The following NAALADL2 variants were observed in gnomAD, a reference collection of about 807,000 sequenced individuals.
NAALADL2 encodes N-acetylated alpha-linked acidic dipeptidase like 2.
Under a neutral mutation model 87.2 loss-of-function variants are expected in NAALADL2, and 76 were observed. The observed-to-expected ratio is 0.87, with a 90% CI of 0.72 to 1.05. The LOEUF (loss-of-function observed/expected upper bound fraction) is 1.05, where lower values mean the gene tolerates loss of function less well. NAALADL2 is among the 50% of genes least tolerant of loss of function. The pLI, the probability that NAALADL2 is intolerant of heterozygous loss-of-function variation, is 0.00. For missense variants in NAALADL2, 1,089 were observed against 945.8 expected, an observed-to-expected ratio of 1.15 and a Z score of -1.99; for synonymous variants, 354 against 331.0, an observed-to-expected ratio of 1.07 and a Z score of -0.75.
chr3:175,529,372 C>T (rs1733812194), intron 9 of NAALADL2, among the ~76,000 whole-genome samples: 1 of 152,266 alleles, frequency 6.6e-6, no homozygotes, highest in South Asian at 2.1e-4. Flanking sequence ...GATCTCTAGC[C>T]CAGCAGAACA....
intron 9 of NAALADL2, among the ~76,000 whole-genome samples, chr3:175,503,503 C>T (rs979379363): frequency 2.6e-5 from 4 of 152,104 alleles, no homozygotes; most frequent in African/African-American, 7.2e-5. Context: ...GAGAAATTGC[C>T]AAACCACTTT....
intron 9 of NAALADL2, among the ~76,000 whole-genome samples, chr3:175,543,960 A>G (rs773610096): frequency 7.9e-5 from 12 of 152,230 alleles, no homozygotes; most frequent in Non-Finnish European, 1.3e-4. Context: ...AGTTCTCTGA[A>G]TATCTGAAGA....
intron 2 of NAALADL2, among the ~76,000 whole-genome samples, chr3:175,101,758 G>A (rs1169545379): frequency 6.6e-6 from 1 of 152,158 alleles, no homozygotes; most frequent in Non-Finnish European, 1.5e-5. Flanking sequence ...TATTTTTGAA[G>A]GCAGGAATGT....
chr3:174,681,783 T>C (rs1267298600), intron 2 of NAALADL2, among the ~76,000 whole-genome samples: 1 of 152,168 alleles, frequency 6.6e-6, no homozygotes, highest in Non-Finnish European at 1.5e-5. Flanking sequence ...GGACATTGCC[T>C]TCCAGCTTAG....
chr3:175,078,523 T>G (rs1717088573), intron 1 of NAALADL2, among the ~76,000 whole-genome samples: 1 of 152,198 alleles, frequency 6.6e-6, no homozygotes, highest in Non-Finnish European at 1.5e-5. Context: ...TCCAATCAGT[T>G]GTAGAACATT....
At chr3:175,143,974 G>T (rs1028707639) in intron 2 of NAALADL2, among the ~76,000 whole-genome samples, 9 of 142,380 alleles carry the variant, frequency 6.3e-5, no homozygotes, top group African/African-American at 2.2e-4. Flanking sequence ...ATGAAAAATT[G>T]AATGAAAGGA....
intron 2 of NAALADL2, among the ~76,000 whole-genome samples, chr3:174,708,046 A>T (rs533798551): frequency 1.5e-4 from 23 of 152,290 alleles, no homozygotes; most frequent in African/African-American, 5.3e-4. Context: ...CTAGCTTAAC[A>T]TTCTAATAAT....
Position 175,375,026 on chromosome 3 carries a change from T to A in NAALADL2, c.1090+50701T>A, listed in dbSNP as rs532881973. Among the ~76,000 whole-genome samples the A allele has an allele frequency of 3.9e-5, 6 of 152,298 alleles. No homozygotes were observed. In the South Asian group the frequency reaches 1.2e-3, roughly 32 times the overall value. On this transcript the variant is annotated intron_variant, in intron 5 of 13. Coordinates refer to ENST00000454872, the MANE Select transcript of NAALADL2 (RefSeq NM_207015.3). ...AGTTAGAAAGTTAGCCAACAGTATTTACTGAAAAAATCTTACTTTTCTTAT... is the reference window on the plus strand; with the variant it reads ...AGTTAGAAAGTTAGCCAACAGTATTAACTGAAAAAATCTTACTTTTCTTAT...
At chr3:174,471,470 G>A (rs547023824) in intron 1 of NAALADL2, among the ~76,000 whole-genome samples, 16 of 152,216 alleles carry the variant, frequency 1.1e-4, no homozygotes, top group African/African-American at 3.9e-4. Context: ...ATAAATTAGA[G>A]TCTTGGGCAA....
intron 2 of NAALADL2, among the ~76,000 whole-genome samples, chr3:174,657,666 T>C (rs964238504): frequency 6.6e-6 from 1 of 152,172 alleles, no homozygotes. Context: ...GGATTCACTC[T>C]TGATTTTGTA....
intron 2 of NAALADL2, among the ~76,000 whole-genome samples, chr3:174,736,350 A>G (rs542362910): frequency 6.6e-6 from 1 of 152,214 alleles, no homozygotes; most frequent in Admixed American, 6.5e-5. Context: ...TGTGAAGACA[A>G]ATGGAGGGTG....
At chr3:175,671,245 T>G (rs752801448) in intron 11 of NAALADL2, among the ~76,000 whole-genome samples, 41 of 151,916 alleles carry the variant, frequency 2.7e-4, no homozygotes, top group Admixed American at 6.6e-4. Flanking sequence ...GTTAACTCCA[T>G]TTTTTTGAAA....
At chr3:174,633,928 A>T (rs561096911) in intron 2 of NAALADL2, among the ~76,000 whole-genome samples, 1 of 152,182 alleles carries the variant, frequency 6.6e-6, no homozygotes, top group South Asian at 2.1e-4. Flanking sequence ...TAACCAGTAA[A>T]TTGTATGATT....
intron 1 of NAALADL2, among the ~76,000 whole-genome samples, chr3:174,461,369 T>C (rs1376464492): frequency 6.6e-6 from 1 of 152,128 alleles, no homozygotes; most frequent in Non-Finnish European, 1.5e-5. Flanking sequence ...TATCTAGATT[T>C]AATAATCATA....
chr3:175,796,388 C>G (rs113183145), intron 13 of NAALADL2, among the ~76,000 whole-genome samples: 71 of 152,238 alleles, frequency 4.7e-4, no homozygotes, highest in African/African-American at 1.5e-3. Context: ...ATCTACCACA[C>G]GTGTCTTTGT....
At chr3:174,851,692 C>G (rs1365629836) in intron 3 of NAALADL2, among the ~76,000 whole-genome samples, 2 of 151,964 alleles carry the variant, frequency 1.3e-5, no homozygotes, top group African/African-American at 2.4e-5. Context: ...CAAACTATTT[C>G]AGAAAATTTA....
intron 1 of NAALADL2, among the ~76,000 whole-genome samples, chr3:175,037,804 A>G (rs1199225077): frequency 6.6e-6 from 1 of 152,102 alleles, no homozygotes; most frequent in Non-Finnish European, 1.5e-5. Context: ...GTGAGTCTAC[A>G]AAGAGCTTGG....
Position 174,456,142 on chromosome 3 carries a change from AC to A in NAALADL2, c.-184+15111del, listed in dbSNP as rs1212079156. 1.7e-4 allele frequency among the ~76,000 whole-genome samples: 26 copies of A among 152,272 alleles called. No homozygotes were observed. In the South Asian group the frequency reaches 5.4e-3, roughly 32 times the overall value. On this transcript the variant is annotated intron_variant, in intron 1 of 3. Coordinates refer to the NAALADL2 transcript ENST00000434257. ...CAAAAAGAATAAAATACTTAGGAAT[AC>A]AGCTAACCAGGGAGGTGAAAGATCT... is the stretch of plus-strand genomic sequence containing the variant.
At chr3:175,645,633 G>A (rs981554407) in intron 11 of NAALADL2, among the ~76,000 whole-genome samples, 4 of 152,046 alleles carry the variant, frequency 2.6e-5, no homozygotes, top group African/African-American at 9.7e-5. Flanking sequence ...TCTGAGGCAA[G>A]AGACAGCACA....
Sources: gnomAD v4.1 joint callset for allele counts (sites outside exome capture counted in the v4.1 genomes callset) on GRCh38, gnomAD v4.1.1 for gene constraint, MANE v1.5 for transcripts, NCBI Gene and HGNC (gene_info 2026-07-23, HGNC 2026-07-21) for gene names.